The following A2M variants were observed in gnomAD, a reference collection of about 807,000 sequenced individuals.
The protein encoded by A2M is C3 and PZP-like alpha-2-macroglobulin domain-containing protein 5.
A neutral mutation model predicts 183.9 loss-of-function variants in A2M; 128 were observed. That is an observed-to-expected ratio of 0.70 (90% CI 0.60 to 0.81). A2M has a LOEUF of 0.81. A2M is among the 30% of genes least tolerant of loss of function. The probability of loss-of-function intolerance (pLI) is 0.00; values close to 1 mark genes in which losing one functional copy is unlikely to be tolerated. For missense variants in A2M, 1,495 were observed against 1,787.6 expected (o/e 0.84, Z 2.95); for synonymous variants, 592 against 670.8 (o/e 0.88, Z 1.81).
chr12:9,106,418 C>G lies in A2M; in HGVS notation c.994+73G>C, dbSNP rs560174055. ...CTAAAATTCTATCACCTCCCCCCAACTTACAATTCATTATTTGGCTAAGAA... is the reference window on the plus strand; with the variant it reads ...CTAAAATTCTATCACCTCCCCCCAAGTTACAATTCATTATTTGGCTAAGAA... On this transcript the variant is annotated intron_variant, in intron 9 of 35. Transcript: ENST00000318602. 44 of 1,434,000 alleles carry G rather than the reference C, an allele frequency of 3.1e-5. No homozygotes were observed. The Middle Eastern group carries it at 5.3e-4, about 17-fold the overall frequency. The allele number at this position is 1,434,000 out of a possible 1,614,324, so 88.8% of individuals were successfully genotyped here. A position where few individuals can be genotyped will look rare whatever the true frequency, so the allele number is the denominator to read the frequency against.
intron 32 of A2M, among the ~76,000 whole-genome samples, chr12:9,070,217 T>C (rs1189967854): frequency 1.3e-5 from 2 of 152,234 alleles, no homozygotes; most frequent in Non-Finnish European, 2.9e-5. Context: ...GTTCATATCT[T>C]TTATCTTCTT....
At chr12:9,069,049 CT>C in intron 33 of A2M, 2 of 456,792 alleles carry the variant, frequency 4.4e-6, no homozygotes, top group Non-Finnish European at 7.7e-6. Context: ...ACGCATATAC[CT>C]CTGTCAATGC....
In A2M at chr12:9,076,899, G is replaced by A; in HGVS notation, c.3389C>T (p.Ser1130Leu). The change falls in exon 28 of 36, where the codon TCA (serine) becomes TTA (leucine). Residue 1130 changes from serine (S) to leucine (L), a missense_variant. Physicochemically the swap from Ser to Leu is moderately radical, Grantham distance 145. Coordinates refer to ENST00000318602, the MANE Select transcript of A2M (RefSeq NM_000014.6). The part of the protein sequence containing the change: ...VVRNALFCLE[S>L]AWKTAQEGDH... ...CCCTTCTTGTGCTGTCTTCCAGGCTGACTCCAGGCAAAACAGGGCATTGCG... is the reference window on the plus strand; with the variant it reads ...CCCTTCTTGTGCTGTCTTCCAGGCTAACTCCAGGCAAAACAGGGCATTGCG... 1 of 1,608,798 alleles carries A rather than the reference G, an allele frequency of 6.2e-7. No individual in the cohort carries two copies. The highest frequency in any genetic ancestry group is 8.5e-7 in the Non-Finnish European group (1 of 1,177,134).
chr12:9,079,317 A>G lies in A2M; in HGVS notation c.3046T>C (p.Leu1016=), dbSNP rs760450966. 12 of 1,613,700 alleles carry G rather than the reference A, an allele frequency of 7.4e-6. No individual in the cohort carries two copies. The South Asian group carries it at 8.8e-5, about 12-fold the overall frequency. The change falls in exon 25 of 36, where the codon TTG becomes CTG. Residue 1016 remains leucine, a synonymous_variant. Coordinates refer to ENST00000318602, the MANE Select transcript of A2M (RefSeq NM_000014.6). The part of the protein sequence containing the change: ...GYLNTGYQRQ[L]NYKHYDGSYS... Reference sequence around the variant, plus strand: ...GAGCCATCATAGTGTTTGTAGTTCAACTGTCTCTGGTAACCTGGAAAGGAA... The same window carrying G: ...GAGCCATCATAGTGTTTGTAGTTCAGCTGTCTCTGGTAACCTGGAAAGGAA...
chr12:9,104,500 A>T (rs1293718714), intron 10 of A2M, 100 bp from the exon 11 acceptor site: 4 of 1,287,812 alleles, frequency 3.1e-6, no homozygotes, highest in Non-Finnish European at 4.3e-6. Context: ...TATGTTGAAC[A>T]TGGTTCCAGG....
chr12:9,093,540 T>C lies in A2M; in HGVS notation c.2165A>G (p.His722Arg). The C allele has an allele frequency of 1.2e-6, 2 of 1,612,936 alleles. No homozygotes were observed. The highest frequency in any genetic ancestry group is 1.1e-5 in the South Asian group (1 of 90,828). Reference protein sequence around the residue: ...VMGRGHARLVHVEEPHTETVR... With the variant: ...VMGRGHARLVRVEEPHTETVR... ...GGTCTCCGTGTGAGGCTCTTCAACATGCACCAGGCGTGCATGGCCTCTTCC... is the reference window on the plus strand; with the variant it reads ...GGTCTCCGTGTGAGGCTCTTCAACACGCACCAGGCGTGCATGGCCTCTTCC... The change falls in exon 18 of 36, where the codon CAT (histidine) becomes CGT (arginine). Residue 722 changes from histidine (H) to arginine (R), a missense_variant. Transcript: ENST00000318602.
chr12:9,089,914 AG>A lies in A2M; in HGVS notation c.2705del (p.Pro902LeufsTer9). On this transcript the variant is annotated frameshift_variant, in exon 21 of 36. Coordinates refer to ENST00000318602, the MANE Select transcript of A2M (RefSeq NM_000014.6). LOFTEE classifies it high-confidence loss of function. The part of the protein sequence containing the change: ...EHGRKDTVIK[P>X]LLVEPEGLEK... ...TAGGTTTACTTACTTCAACCAACAGAGGCTTGATGACTGTGTCTTTCCTTCC... is the reference window on the plus strand; with the variant it reads ...TAGGTTTACTTACTTCAACCAACAGAGCTTGATGACTGTGTCTTTCCTTCC... 6.2e-7 allele frequency: 1 copy of A among 1,610,274 alleles called. No homozygotes were observed. Among genetic ancestry groups the A allele is most frequent in the Non-Finnish European group, 8.5e-7 (1 of 1,177,466 alleles).
At chr12:9,102,187 C>T (rs226395) in intron 11 of A2M, among the ~76,000 whole-genome samples, 1 of 152,034 alleles carries the variant, frequency 6.6e-6, no homozygotes, top group Non-Finnish European at 1.5e-5. Context: ...CTGAAGTCTA[C>T]CTCTTCTGGG....
At chr12:9,082,610 A>G (rs1413739622) in intron 22 of A2M, among the ~76,000 whole-genome samples, 1 of 152,210 alleles carries the variant, frequency 6.6e-6, no homozygotes. Flanking sequence ...CTTTCTCCTC[A>G]AATGCACAAA....
intron 22 of A2M, among the ~76,000 whole-genome samples, chr12:9,083,994 T>G (rs2193006): frequency 0.55 from 83,803 of 151,972 alleles, 24,669 homozygotes; most frequent in African/African-American, 0.75. Flanking sequence ...TTTTTAGCAG[T>G]AACCCGGCAG....
chr12:9,068,858 CAATT>C lies in A2M; in HGVS notation c.4264-20_4264-17del. The C allele has an allele frequency of 1.3e-6, 2 of 1,552,284 alleles. No individual in the cohort carries two copies. The highest frequency in any genetic ancestry group is 1.8e-6 in the Non-Finnish European group (2 of 1,141,856). On this transcript the variant is annotated splice_polypyrimidine_tract_variant and intron_variant, in intron 33 of 35. Transcript: ENST00000318602. Reference sequence around the variant, plus strand: ...GATTTGACACCTGGAAAGCAAAAGTCAATTAAATGACCTTTCAGGAAGCTTTCTT... The same window carrying C: ...GATTTGACACCTGGAAAGCAAAAGTCAAATGACCTTTCAGGAAGCTTTCTT...
chr12:9,107,696 T>C (rs1246382193), intron 7 of A2M, 52 bp from the exon 8 acceptor site: 1 of 1,599,078 alleles, frequency 6.3e-7, no homozygotes, highest in African/African-American at 1.3e-5. Context: ...AACCTCCCCA[T>C]TTTCTAGCTA....
Position 9,089,961 on chromosome 12 carries a change from C to T in A2M, c.2659G>A (p.Val887Met), listed in dbSNP as rs1949159249. ...LESQELCGTE[V>M]PSVPEHGRKD... ...CTTCCGTGTTCAGGAACTGAAGGCA[C>T]CTCAGTCCCACACAGCTCTTGAGAC... Residue 887 changes from valine (V) to methionine (M), a missense_variant, in exon 21 of 36, where the codon GTG becomes ATG. Val to Met is a conservative substitution (Grantham distance 21). Coordinates refer to ENST00000318602, the MANE Select transcript of A2M (RefSeq NM_000014.6). The T allele has an allele frequency of 3.7e-6, 6 of 1,612,350 alleles. No individual in the cohort carries two copies. The highest frequency in any genetic ancestry group is 1.1e-5 in the South Asian group (1 of 90,958).
intron 22 of A2M, among the ~76,000 whole-genome samples, chr12:9,082,350 C>T (rs1303647681): frequency 1.3e-5 from 2 of 152,164 alleles, no homozygotes; most frequent in African/African-American, 4.8e-5. Flanking sequence ...TGACCAGAGG[C>T]CATTGTAGTA....
intron 31 of A2M, among the ~76,000 whole-genome samples, chr12:9,071,194 T>G (rs1948566308): frequency 6.6e-6 from 1 of 152,122 alleles, no homozygotes; most frequent in South Asian, 2.1e-4. Flanking sequence ...GCCAGTTATT[T>G]TATTTATTTG....
chr12:9,093,115 A>G (rs1323409745), intron 18 of A2M, among the ~76,000 whole-genome samples: 1 of 152,220 alleles, frequency 6.6e-6, no homozygotes, highest in African/African-American at 2.4e-5. Context: ...GAAGCAGGTC[A>G]AAGGGTACAA....
intron 1 of A2M, among the ~76,000 whole-genome samples, chr12:9,114,725 A>G (rs925040590): frequency 1.3e-4 from 13 of 99,206 alleles, no homozygotes; most frequent in Admixed American, 6.5e-4. Context: ...ATATGAATAC[A>G]TATACATAAA....
At position 9,115,361 on chromosome 12, in the gene A2M, TTA is replaced by T. The variant is rs775018043; in HGVS notation, c.86+401_86+402del. On this transcript the variant is annotated intron_variant, in intron 1 of 35. Coordinates refer to ENST00000318602, the MANE Select transcript of A2M (RefSeq NM_000014.6). ...CCTTTATTTGGCACTCTATAGATTT[TTA>T]TACTCCAGGGCATTGTTCCATGTTT... 35 of 162,528 alleles carry T rather than the reference TTA, an allele frequency of 2.2e-4. No homozygotes were observed. In the East Asian group the frequency reaches 6.0e-3, roughly 28 times the overall value. The allele number at this position is 162,528 out of a possible 1,614,324, so 10.1% of individuals were successfully genotyped here. A position where few individuals can be genotyped will look rare whatever the true frequency, so the allele number is the denominator to read the frequency against.
At position 9,093,495 on chromosome 12, in the gene A2M, T is replaced by G; in HGVS notation, c.2210A>C (p.Glu737Ala). The change falls in exon 18 of 36, where the codon GAG becomes GCG. Residue 737 changes from glutamate to alanine, a missense_variant. Transcript: ENST00000318602. ...HTETVRKYFPETWIWDLVVVN... is the reference protein window; with the variant it reads ...HTETVRKYFPATWIWDLVVVN... ...CACCACCAAATCCCAGATCCATGTC[T>G]CAGGGAAGTACTTTCGTACGGTCTC... The G allele has an allele frequency of 6.2e-7, 1 of 1,613,938 alleles. No individual in the cohort carries two copies. Among genetic ancestry groups the G allele is most frequent in the Non-Finnish European group, 8.5e-7 (1 of 1,179,846 alleles).
Sources: gnomAD v4.1 joint callset for allele counts (sites outside exome capture counted in the v4.1 genomes callset) on GRCh38, gnomAD v4.1.1 for gene constraint, MANE v1.5 for transcripts, NCBI Gene and HGNC (gene_info 2026-07-23, HGNC 2026-07-21) for gene names.